PIH1D1: variants seen among roughly 807,000 people sequenced by gnomAD.
PIH1D1 encodes the protein PIH1 domain containing 1.
In PIH1D1, 28 loss-of-function variants were observed where a neutral mutation model predicts 38.5. That is an observed-to-expected ratio of 0.73 (90% confidence interval 0.54 to 1.00). The LOEUF is 1.00. Among genes scored for constraint, PIH1D1 ranks in the 50% least tolerant of loss-of-function variants. The pLI is 0.00. For synonymous variants in PIH1D1, 155 were observed against 153.5 expected (o/e 1.01, Z -0.07); for missense variants, 343 against 369.9 (o/e 0.93, Z 0.60).
intron 1 of PIH1D1, 74 bp from the exon 2 acceptor site, chr19:49,450,922 A>C (rs760525930): frequency 6.2e-7 from 1 of 1,610,768 alleles, no homozygotes; most frequent in Non-Finnish European, 8.5e-7. Context: ...CAAATGGAGC[A>C]ATTCTTATGC....
At position 49,446,579 on chromosome 19, in the gene PIH1D1, C is replaced by T; in HGVS notation, c.803G>A (p.Ser268Asn). Reference sequence around the variant, plus strand: ...TCTCTTCCGGTGGAAGGCTGCCTTGCTCTCATGAGAGTTGATCTGCAGCGG... The same window carrying T: ...TCTCTTCCGGTGGAAGGCTGCCTTGTTCTCATGAGAGTTGATCTGCAGCGG... ...YIPLQINSHESKAAFHRKRKQ... is the reference protein window; with the variant it reads ...YIPLQINSHENKAAFHRKRKQ... The change falls in exon 8 of 9, where the codon AGC becomes AAC. Residue 268 changes from serine (S) to asparagine (N), a missense_variant. Physicochemically the swap from Ser to Asn is conservative, Grantham distance 46. Coordinates refer to ENST00000262265, the MANE Select transcript of PIH1D1 (RefSeq NM_017916.3). 3.1e-6 allele frequency: 5 copies of T among 1,614,096 alleles called. No homozygotes were observed. The highest frequency in any genetic ancestry group is 4.2e-6 in the Non-Finnish European group (5 of 1,180,000).
intron 2 of PIH1D1, among the ~76,000 whole-genome samples, chr19:49,450,565 C>A (rs988509116): frequency 5.0e-4 from 76 of 152,124 alleles, no homozygotes; most frequent in African/African-American, 1.7e-3. Flanking sequence ...ACTACAGGCA[C>A]GTGCCACCGC....
rs146582543 is a variant in PIH1D1, at chr19:49,448,046, G to T, written c.354C>A (p.Thr118=). 290 of 1,614,072 alleles carry T rather than the reference G, an allele frequency of 1.8e-4. 1 individual carries two copies. Among genetic ancestry groups the T allele is most frequent in the Non-Finnish European group, 2.4e-4 (280 of 1,180,036 alleles). ...AELDAKGQGC[T]AYDVAVNSDF... ...CGCTGTTGACAGCTACGTCGTAGGC[G>T]GTACATCCCTGGCCTTCTGCGGGGA... The change falls in exon 4 of 9, where the codon ACC becomes ACA. Residue 118 remains threonine, a synonymous_variant. Coordinates refer to ENST00000262265, the MANE Select transcript of PIH1D1 (RefSeq NM_017916.3).
chr19:49,449,376 CAGG>C, intron 3 of PIH1D1, 96 bp downstream of exon 3: 1 of 1,100,752 alleles, frequency 9.1e-7, no homozygotes, highest in Non-Finnish European at 1.4e-6. Flanking sequence ...GCCAGATCTC[CAGG>C]AGCTGAGGGA....
At chr19:49,447,159 TCCCTTTTCTCCCTCCAACCAGC>T in intron 6 of PIH1D1, 60 bp from the exon 7 acceptor site, 3 of 1,492,504 alleles carry the variant, frequency 2.0e-6, no homozygotes, top group Non-Finnish European at 2.8e-6. Flanking sequence ...TGGCGTGCTG[TCCCTTTTCTCCCTCCAACCAGC>T]CCTATTGGCC....
chr19:49,446,908 G>T, intron 7 of PIH1D1, 116 bp downstream of exon 7: 1 of 1,120,312 alleles, frequency 8.9e-7, no homozygotes, highest in Non-Finnish European at 1.3e-6. Context: ...GGGCCTCCTG[G>T]CAGAGAGGAC....
intron 3 of PIH1D1, 160 bp from the exon 4 acceptor site, chr19:49,448,222 C>G (rs1328050560): frequency 1.5e-6 from 1 of 676,886 alleles, no homozygotes; most frequent in African/African-American, 1.8e-5. Context: ...TCTGGACTCT[C>G]CGCCCAGCCT....
chr19:49,451,170 C>G (rs1163723565), intron 1 of PIH1D1, among the ~76,000 whole-genome samples: 2 of 151,762 alleles, frequency 1.3e-5, no homozygotes, highest in Non-Finnish European at 2.9e-5. Flanking sequence ...GCTAGGACTA[C>G]AGGTGCCCGC....
chr19:49,447,188 G>C, intron 6 of PIH1D1, 89 bp from the exon 7 acceptor site: 1 of 1,471,214 alleles, frequency 6.8e-7, no homozygotes, highest in South Asian at 1.2e-5. Context: ...CAGCCCTATT[G>C]GCCTCAGGAC....
In PIH1D1 at chr19:49,447,671, C is replaced by A; in HGVS notation, c.481+156G>T. On this transcript the variant is annotated intron_variant, in intron 5 of 8. Coordinates refer to ENST00000262265, the MANE Select transcript of PIH1D1 (RefSeq NM_017916.3). ...AATAAAACCCACCCCTGGAGATGTTCCTGGCCCCGCCCCCTCAGGGCGTCC... is the reference window on the plus strand; with the variant it reads ...AATAAAACCCACCCCTGGAGATGTTACTGGCCCCGCCCCCTCAGGGCGTCC... 3.2e-6 allele frequency: 3 copies of A among 952,014 alleles called. No homozygotes were observed. In the South Asian group the frequency reaches 4.4e-5, roughly 14 times the overall value. 59.0% of individuals were successfully genotyped at this position (952,014 alleles called of 1,614,324 possible).
chr19:49,449,551 A>C lies in PIH1D1; in HGVS notation c.261T>G (p.Leu87=), dbSNP rs1178262719. 1 of 1,614,028 alleles carries C rather than the reference A, an allele frequency of 6.2e-7. No individual in the cohort carries two copies. Among genetic ancestry groups the C allele is most frequent in the African/African-American group, 1.3e-5 (1 of 74,922 alleles). Residue 87 remains leucine (L), a synonymous_variant, in exon 3 of 9, where the codon CTT becomes CTG. Transcript: ENST00000262265. ...CAGCTTGGTCCTCCTCTAGCATCTG[A>C]AGCAGCTCCTCCTCGGTCACGTCGG... ...PPADVTEEEL[L]QMLEEDQAGF...
intron 3 of PIH1D1, among the ~76,000 whole-genome samples, chr19:49,448,734 G>A (rs1025716241): frequency 6.6e-6 from 1 of 152,216 alleles, no homozygotes; most frequent in African/African-American, 2.4e-5. Flanking sequence ...AACGTGGAAT[G>A]TGCATTTCAT....
chr19:49,451,372 A>G (rs775540533), intron 1 of PIH1D1, 113 bp downstream of exon 1: 1 of 1,483,364 alleles, frequency 6.7e-7, no homozygotes, highest in African/African-American at 1.4e-5. Flanking sequence ...ATTAACCTCA[A>G]TTCCCCGAGG....
In PIH1D1 at chr19:49,447,923, A is replaced by G. The variant is rs779282394; in HGVS notation, c.400-15T>C. ...AAATCGCTGTTCTGGGGTGACAGAG[A>G]GGGAAAAGACAGGCGGTGGCGGGGA... On this transcript the variant is annotated splice_polypyrimidine_tract_variant and intron_variant, in intron 4 of 8. Coordinates refer to ENST00000262265, the MANE Select transcript of PIH1D1 (RefSeq NM_017916.3). The G allele has an allele frequency of 1.2e-6, 2 of 1,613,884 alleles. No homozygotes were observed. The highest frequency in any genetic ancestry group is 1.6e-4 in the Middle Eastern group (1 of 6,082).
At position 49,446,622 on chromosome 19, in the gene PIH1D1, G is replaced by T. The variant is rs2079024559; in HGVS notation, c.760C>A (p.His254Asn). ...LVMGGPQQLY[H>N]LDAYIPLQIN... is the part of the protein sequence containing the mutation. ...TGCAGCGGGATATAAGCGTCTAGAT[G>T]ATACAGCTGCTGGGGGCCCCCCATC... Residue 254 changes from histidine (H) to asparagine (N), a missense_variant, in exon 8 of 9, where the codon CAT becomes AAT. By Grantham distance (68) the His-to-Asn change is moderately conservative (BLOSUM62 1). Transcript: ENST00000262265. 2 of 1,611,002 alleles carry T rather than the reference G, an allele frequency of 1.2e-6. No homozygotes were observed. Among genetic ancestry groups the T allele is most frequent in the Non-Finnish European group, 1.7e-6 (2 of 1,178,554 alleles).
At position 49,447,812 on chromosome 19, in the gene PIH1D1, G is replaced by C. The variant is rs372621854; in HGVS notation, c.481+15C>G. ...GGCTCCACTCTTTCCCGAGGGCCCA[G>C]GACCTGCCCCTCACCCGGATTCAGC... On this transcript the variant is annotated intron_variant, in intron 5 of 8. Transcript: ENST00000262265. 3.0e-5 allele frequency: 49 copies of C among 1,613,048 alleles called. No homozygotes were observed. Among genetic ancestry groups the C allele is most frequent in the Non-Finnish European group, 4.2e-5 (49 of 1,179,100 alleles).
chr19:49,448,348 C>T (rs2079037692), intron 3 of PIH1D1: 3 of 479,782 alleles, frequency 6.3e-6, no homozygotes, highest in Non-Finnish European at 1.1e-5. Flanking sequence ...AAGGTCTGAG[C>T]CCCACAAGCC....
In PIH1D1 at chr19:49,449,049, G is replaced by C. The variant is rs1353341423; in HGVS notation, c.337+426C>G. 9.0e-6 allele frequency: 3 copies of C among 333,276 alleles called. No homozygotes were observed. The Admixed American group carries it at 1.2e-4, about 13-fold the overall frequency. The allele number at this position is 333,276 out of a possible 1,614,324, so 20.6% of individuals were successfully genotyped here. On this transcript the variant is annotated intron_variant, in intron 3 of 8. Coordinates refer to ENST00000262265, the MANE Select transcript of PIH1D1 (RefSeq NM_017916.3). ...TCTATTAAAAATACAAAAATTAGCTGGGTGTGGTGGAGCACACCTGTAATC... is the reference window on the plus strand; with the variant it reads ...TCTATTAAAAATACAAAAATTAGCTCGGTGTGGTGGAGCACACCTGTAATC...
At position 49,447,256 on chromosome 19, in the gene PIH1D1, A is replaced by G. The variant is rs780092528; in HGVS notation, c.611+82T>C. On this transcript the variant is annotated intron_variant, in intron 6 of 8. Transcript: ENST00000262265. The stretch of plus-strand genomic sequence containing the variant: ...CTCTCAGTGCCCAGGGCCCCAGGAC[A>G]TCACCCAGTGTGGGAGGATGGAGGG... 6 of 1,579,764 alleles carry G rather than the reference A, an allele frequency of 3.8e-6. No individual in the cohort carries two copies. In the Admixed American group the frequency reaches 5.1e-5, roughly 13 times the overall value.
Sources: gnomAD v4.1 joint callset for allele counts (sites outside exome capture counted in the v4.1 genomes callset) on GRCh38, gnomAD v4.1.1 for gene constraint, MANE v1.5 for transcripts, NCBI Gene and HGNC (gene_info 2026-07-23, HGNC 2026-07-21) for gene names.